ATP8A1: variants seen among roughly 807,000 people sequenced by gnomAD.
ATP8A1 encodes the protein phospholipid-transporting ATPase IA.
A neutral mutation model predicts 177.7 loss-of-function variants in ATP8A1; 90 were observed. The ratio of observed to expected loss-of-function variants is 0.51; its 90% CI spans 0.43 to 0.60. ATP8A1 has a LOEUF of 0.60. Ranked by LOEUF, ATP8A1 falls within the 20% of genes least tolerant of loss-of-function variation. The probability of loss-of-function intolerance (pLI) is 0.00; values close to 1 mark genes in which losing one functional copy is unlikely to be tolerated. For missense variants in ATP8A1, 1,072 were observed against 1,392.8 expected, an observed-to-expected ratio of 0.77 and a Z score of 3.67; for synonymous variants, 493 against 485.9, an observed-to-expected ratio of 1.01 and a Z score of -0.19.
intron 6 of ATP8A1, among the ~76,000 whole-genome samples, chr4:42,597,024 G>C (rs73164802): frequency 0.025 from 3,768 of 152,248 alleles, 161 homozygotes; most frequent in African/African-American, 0.085. Flanking sequence ...TTTTGCAACA[G>C]GGAAAAGGTT....
chr4:42,639,430 T>G (rs1449586740), intron 1 of ATP8A1, among the ~76,000 whole-genome samples: 1 of 152,090 alleles, frequency 6.6e-6, no homozygotes, highest in Non-Finnish European at 1.5e-5. Context: ...TAACAGATAA[T>G]AAAAGGCAGA....
chr4:42,443,975 T>C (rs1046339727), intron 32 of ATP8A1, among the ~76,000 whole-genome samples: 3 of 152,228 alleles, frequency 2.0e-5, no homozygotes, highest in Non-Finnish European at 4.4e-5. Context: ...TGCCTTACTC[T>C]TGGTCTGCAT....
intron 24 of ATP8A1, among the ~76,000 whole-genome samples, chr4:42,486,495 CG>C (rs1263556585): frequency 6.6e-6 from 1 of 152,068 alleles, no homozygotes; most frequent in African/African-American, 2.4e-5. Context: ...CCTAATTAGA[CG>C]GGGAGGAAAG....
At chr4:42,635,235 A>C (rs1432486499) in intron 1 of ATP8A1, among the ~76,000 whole-genome samples, 1 of 152,040 alleles carries the variant, frequency 6.6e-6, no homozygotes, top group Non-Finnish European at 1.5e-5. Context: ...TAGGAGGGAG[A>C]CAAGAACAAG....
chr4:42,587,308 T>C (rs1733713630), intron 8 of ATP8A1, among the ~76,000 whole-genome samples: 1 of 149,800 alleles, frequency 6.7e-6, no homozygotes. Context: ...TTCTTTTCTT[T>C]TCTTTTTTTT....
chr4:42,409,443 A>C lies in ATP8A1; in HGVS notation c.*3473T>G, dbSNP rs1408898313. Reference sequence around the variant, plus strand: ...CTTACGAGTCATTATAGAAATGTTCATCATTAAAAAGCATTTATTAGGCAC... The same window carrying C: ...CTTACGAGTCATTATAGAAATGTTCCTCATTAAAAAGCATTTATTAGGCAC... On this transcript the variant is annotated 3_prime_UTR_variant, in exon 37 of 37. Coordinates refer to ENST00000381668, the MANE Select transcript of ATP8A1 (RefSeq NM_006095.2). The C allele has an allele frequency of 6.6e-6, 1 of 152,190 alleles. No homozygotes were observed. The highest frequency in any genetic ancestry group is 2.4e-5 in the African/African-American group (1 of 41,458). 9.4% of individuals were successfully genotyped at this position (152,190 alleles called of 1,614,324 possible). A position where few individuals can be genotyped will look rare whatever the true frequency, so the allele number is the denominator to read the frequency against.
At chr4:42,461,872 G>A (rs1719198586) in intron 27 of ATP8A1, among the ~76,000 whole-genome samples, 1 of 152,174 alleles carries the variant, frequency 6.6e-6, no homozygotes, top group East Asian at 1.9e-4. Context: ...TCCAGGCTGA[G>A]GTGGTTTCAG....
intron 1 of ATP8A1, among the ~76,000 whole-genome samples, chr4:42,655,634 T>A (rs937628309): frequency 1.3e-5 from 2 of 152,214 alleles, no homozygotes; most frequent in Non-Finnish European, 2.9e-5. Context: ...ATGTACCGAA[T>A]TCCTATGTAG....
chr4:42,503,969 C>T (rs896964481), intron 23 of ATP8A1, among the ~76,000 whole-genome samples: 15 of 152,174 alleles, frequency 9.9e-5, no homozygotes, highest in African/African-American at 3.6e-4. Flanking sequence ...CATCCTCTAC[C>T]TTCCTACCCT....
intron 25 of ATP8A1, among the ~76,000 whole-genome samples, chr4:42,474,987 T>C (rs1050910629): frequency 6.6e-6 from 1 of 152,126 alleles, no homozygotes; most frequent in Non-Finnish European, 1.5e-5. Context: ...ACAATTATAA[T>C]AACAATATAA....
intron 17 of ATP8A1, among the ~76,000 whole-genome samples, chr4:42,551,566 T>C (rs1729507247): frequency 2.0e-5 from 3 of 152,162 alleles, no homozygotes; most frequent in African/African-American, 4.8e-5. Flanking sequence ...AATGTACCCT[T>C]TCATCCAGTG....
intron 1 of ATP8A1, among the ~76,000 whole-genome samples, chr4:42,654,927 A>G (rs534768896): frequency 6.6e-6 from 1 of 152,358 alleles, no homozygotes; most frequent in South Asian, 2.1e-4. Context: ...CTAGGAAAGA[A>G]AAGTGTGGGC....
chr4:42,637,949 T>C (rs1205732703), intron 1 of ATP8A1, among the ~76,000 whole-genome samples: 4 of 152,366 alleles, frequency 2.6e-5, no homozygotes, highest in East Asian at 1.9e-4. Context: ...TTTTGAGCTA[T>C]ATGCTTAGTT....
At chr4:42,523,696 G>C (rs1006759517) in intron 21 of ATP8A1, among the ~76,000 whole-genome samples, 1 of 152,170 alleles carries the variant, frequency 6.6e-6, no homozygotes, top group African/African-American at 2.4e-5. Flanking sequence ...CTAGAGAGGA[G>C]AAAGATGCCC....
At chr4:42,549,151 A>G in intron 18 of ATP8A1, 89 bp from the exon 19 acceptor site, 1 of 1,058,126 alleles carries the variant, frequency 9.5e-7, no homozygotes, top group Non-Finnish European at 1.4e-6. Context: ...TTTTACTGTA[A>G]AAAATGCCAA....
At chr4:42,591,315 G>A (rs1267530241) in intron 6 of ATP8A1, among the ~76,000 whole-genome samples, 2 of 144,614 alleles carry the variant, frequency 1.4e-5, no homozygotes, top group African/African-American at 5.0e-5. Flanking sequence ...GTTGTGATAG[G>A]GTCTTGAAAA....
At chr4:42,647,107 T>TGCCACAAGG (rs56109319) in intron 1 of ATP8A1, among the ~76,000 whole-genome samples, 71,150 of 151,800 alleles carry the variant, frequency 0.47, 16,906 homozygotes, top group Middle Eastern at 0.54. Flanking sequence ...ACCTCTAAAC[T>TGCCACAAGG]GCCAAGTCAA....
chr4:42,453,820 A>G (rs13103298), intron 29 of ATP8A1, among the ~76,000 whole-genome samples: 71,432 of 151,996 alleles, frequency 0.47, 19,122 homozygotes, highest in East Asian at 0.82. Context: ...CAACCAGTAG[A>G]CCTGGAACTT....
At chr4:42,545,113 T>C (rs1049434170) in intron 19 of ATP8A1, among the ~76,000 whole-genome samples, 3 of 148,524 alleles carry the variant, frequency 2.0e-5, no homozygotes, top group Non-Finnish European at 3.0e-5. Context: ...TGAACCGAGA[T>C]TGCACCACTG....
Sources: allele counts gnomAD v4.1 joint callset (sites outside exome capture counted in the v4.1 genomes callset), GRCh38; gene constraint gnomAD v4.1.1; transcripts MANE v1.5; gene names NCBI Gene and HGNC (gene_info 2026-07-23, HGNC 2026-07-21).